Variants in PRH1 observed in about 807,000 individuals in gnomAD.
PRH1 encodes the protein proline rich protein HaeIII subfamily 1.
A neutral mutation model predicts 7.9 loss-of-function variants in PRH1; 7 were observed. That is an observed-to-expected ratio of 0.89 (90% CI 0.50 to 1.67). The LOEUF is 1.67. Among genes scored for constraint, PRH1 ranks in the 40% most tolerant of loss-of-function variants. PRH1 has a pLI of 0.00. For synonymous variants in PRH1, 45 were observed against 80.8 expected (o/e 0.56, Z 2.38); for missense variants, 109 against 223.6 (o/e 0.49, Z 3.27).
intron 2 of PRH1, among the ~76,000 whole-genome samples, chr12:10,902,945 C>T (rs1949744013): frequency 6.6e-6 from 1 of 152,114 alleles, no homozygotes; most frequent in Non-Finnish European, 1.5e-5. Flanking sequence ...AAAGAAACCA[C>T]ACAATAGAAA....
At chr12:10,930,496 G>T (rs867324938) in intron 2 of PRH1, among the ~76,000 whole-genome samples, 1 of 152,174 alleles carries the variant, frequency 6.6e-6, no homozygotes, top group Admixed American at 6.5e-5. Flanking sequence ...CCACCCTAAT[G>T]TGGATTAAGA....
chr12:10,926,008 AC>A (rs1950117669), intron 2 of PRH1, among the ~76,000 whole-genome samples: 1 of 152,212 alleles, frequency 6.6e-6, no homozygotes, highest in Non-Finnish European at 1.5e-5. Flanking sequence ...TTCTATTATA[AC>A]CAATTTGGCT....
At chr12:11,103,490 G>A (rs561876088) in intron 1 of PRH1, among the ~76,000 whole-genome samples, 14 of 148,504 alleles carry the variant, frequency 9.4e-5, no homozygotes, top group African/African-American at 2.2e-4. Flanking sequence ...ACTGAACAAC[G>A]AGAACACTTG....
rs1938444561 is a variant in PRH1 at position 10,965,222 on chromosome 12, G to T, written c.-59+8433C>A. 18 of 1,484,444 alleles carry T rather than the reference G, an allele frequency of 1.2e-5. No individual in the cohort carries two copies. The South Asian group carries it at 2.0e-4, about 17-fold the overall frequency. The allele number at this position is 1,484,444 out of a possible 1,614,324, so 92.0% of individuals were successfully genotyped here. On this transcript the variant is annotated intron_variant, in intron 2 of 3. Transcript: ENST00000539853. ...TGCCAGAGCAGTGAGAATTTGGTCA[G>T]CAAAGGAGATCTTTTGTCTCTTGAC...
At chr12:11,127,966 C>T (rs748272977) in intron 1 of PRH1, among the ~76,000 whole-genome samples, 10 of 151,820 alleles carry the variant, frequency 6.6e-5, no homozygotes, top group Non-Finnish European at 1.2e-4. Context: ...CAAAGTTAGC[C>T]GGGCATGGTG....
intron 1 of PRH1, among the ~76,000 whole-genome samples, chr12:11,142,648 A>G (rs536533332): frequency 2.3e-4 from 35 of 152,346 alleles, no homozygotes; most frequent in African/African-American, 8.4e-4. Flanking sequence ...GACTACCTCA[A>G]GGAATTTAAT....
intron 2 of PRH1, among the ~76,000 whole-genome samples, chr12:10,920,997 C>A (rs1950037349): frequency 6.6e-6 from 1 of 151,878 alleles, no homozygotes; most frequent in Non-Finnish European, 1.5e-5. Context: ...AAATTATTTA[C>A]TTTCTAGTTT....
Position 10,937,945 on chromosome 12 carries a change from T to C in PRH1, c.-59+35710A>G, listed in dbSNP as rs371777974. The C allele has an allele frequency of 9.8e-5, 21 of 214,762 alleles. No homozygotes were observed. The East Asian group carries it at 2.0e-3, about 20-fold the overall frequency. 13.3% of individuals were successfully genotyped at this position (214,762 alleles called of 1,614,324 possible). The stretch of plus-strand genomic sequence containing the variant: ...GCCTATTTTTAGTAACTGTGTCACA[T>C]ACATACATACACACATGTATTTTAT... On this transcript the variant is annotated intron_variant, in intron 2 of 3. Coordinates refer to the PRH1 transcript ENST00000539853.
At chr12:11,150,647 A>G (rs374678482) in intron 1 of PRH1, among the ~76,000 whole-genome samples, 2 of 152,248 alleles carry the variant, frequency 1.3e-5, no homozygotes, top group East Asian at 3.9e-4. Flanking sequence ...AGGAAGGGGA[A>G]CATCACATTC....
At chr12:11,032,664 CTAAT>C (rs1346718080) in intron 1 of PRH1, among the ~76,000 whole-genome samples, 5 of 151,992 alleles carry the variant, frequency 3.3e-5, no homozygotes, top group Non-Finnish European at 7.4e-5. Context: ...AACATTATCT[CTAAT>C]TCTTAGGACT....
chr12:10,952,285 T>C (rs528624593), intron 2 of PRH1, among the ~76,000 whole-genome samples: 5 of 152,290 alleles, frequency 3.3e-5, no homozygotes, highest in Non-Finnish European at 5.9e-5. Context: ...AAAATTATGT[T>C]TGTATTCATC....
chr12:10,925,849 G>A (rs1475804991), intron 2 of PRH1, among the ~76,000 whole-genome samples: 1 of 152,108 alleles, frequency 6.6e-6, no homozygotes, highest in African/African-American at 2.4e-5. Flanking sequence ...AGTACTGACT[G>A]CCTTCTATTC....
At chr12:11,143,754 GGGGTCAACTCATC>G (rs77901405) in intron 1 of PRH1, among the ~76,000 whole-genome samples, 68,918 of 151,722 alleles carry the variant, frequency 0.45, 16,416 homozygotes, top group Non-Finnish European at 0.52. Context: ...AACATATAAA[GGGGTCAACTCATC>G]GAAAGGATAT....
chr12:10,941,494 A>G (rs1345670426), intron 2 of PRH1, among the ~76,000 whole-genome samples: 1 of 151,964 alleles, frequency 6.6e-6, no homozygotes, highest in East Asian at 1.9e-4. Flanking sequence ...TAACTTTTTT[A>G]TGCATCAAAA....
intron 1 of PRH1, among the ~76,000 whole-genome samples, chr12:11,062,485 G>A (rs780030288): frequency 1.3e-5 from 2 of 152,062 alleles, no homozygotes; most frequent in Non-Finnish European, 2.9e-5. Flanking sequence ...TAAGTTCAAC[G>A]CTCTCTTTAT....
At chr12:11,067,084 T>C (rs1943852616) in intron 1 of PRH1, among the ~76,000 whole-genome samples, 1 of 130,800 alleles carries the variant, frequency 7.6e-6, no homozygotes, top group Admixed American at 7.7e-5. Context: ...TTCTTAGCTA[T>C]GGTGACTAAA....
intron 1 of PRH1, among the ~76,000 whole-genome samples, chr12:11,040,135 T>A (rs1035624459): frequency 3.3e-5 from 5 of 152,250 alleles, no homozygotes; most frequent in Non-Finnish European, 7.3e-5. Context: ...TCTAGAGTTC[T>A]TTGTATATGA....
At chr12:10,917,859 G>A (rs530697857) in intron 2 of PRH1, among the ~76,000 whole-genome samples, 1 of 152,292 alleles carries the variant, frequency 6.6e-6, no homozygotes, top group East Asian at 1.9e-4. Context: ...AGTGTCAGAA[G>A]GCTCCTCAGG....
intron 2 of PRH1, among the ~76,000 whole-genome samples, chr12:10,902,023 A>G (rs1238193595): frequency 1.3e-5 from 2 of 152,114 alleles, no homozygotes; most frequent in Admixed American, 1.3e-4. Flanking sequence ...TAACCAAAAC[A>G]AAAGCTCAGA....
Sources: gnomAD v4.1 joint callset for allele counts (sites outside exome capture counted in the v4.1 genomes callset) on GRCh38, gnomAD v4.1.1 for gene constraint, MANE v1.5 for transcripts, NCBI Gene and HGNC (gene_info 2026-07-23, HGNC 2026-07-21) for gene names.